NOL4: variants seen among roughly 807,000 people sequenced by gnomAD.
The protein encoded by NOL4 is nucleolar protein 4, also known as cancer/testis antigen 125.
NOL4 carries 17 observed loss-of-function variants against 75.9 expected under a neutral mutation model. That is an observed-to-expected ratio of 0.22 (90% CI 0.15 to 0.34). The LOEUF (loss-of-function observed/expected upper bound fraction) is 0.34. NOL4 is among the 10% of genes least tolerant of loss of function. NOL4 has a pLI of 1.00. For synonymous variants in NOL4, 292 were observed against 289.9 expected (o/e 1.01, Z -0.07); for missense variants, 614 against 793.5 (o/e 0.77, Z 2.72).
intron 1 of NOL4, among the ~76,000 whole-genome samples, chr18:34,144,045 C>T (rs1172391421): frequency 1.3e-5 from 2 of 152,024 alleles, no homozygotes; most frequent in Admixed American, 1.3e-4. Context: ...AAAAGAGAAT[C>T]ACAATAATCC....
chr18:34,046,110 C>T (rs999252844), intron 5 of NOL4, among the ~76,000 whole-genome samples: 2 of 152,042 alleles, frequency 1.3e-5, no homozygotes, highest in Admixed American at 6.6e-5. Flanking sequence ...CTCTGGTTTC[C>T]CATGCAAAAA....
At chr18:34,093,638 T>C (rs894417826) in intron 4 of NOL4, 41 bp from the exon 5 acceptor site, 1 of 1,442,652 alleles carries the variant, frequency 6.9e-7, no homozygotes, top group African/African-American at 1.4e-5. Context: ...TTTTAACGTA[T>C]AATACGTTTA....
At chr18:34,208,958 C>T (rs986942613) in intron 1 of NOL4, among the ~76,000 whole-genome samples, 2 of 151,758 alleles carry the variant, frequency 1.3e-5, no homozygotes, top group African/African-American at 4.8e-5. Flanking sequence ...ACCTGTAATC[C>T]TAGCACTTTG....
chr18:33,990,585 A>G (rs183708796), intron 6 of NOL4, among the ~76,000 whole-genome samples: 1 of 152,104 alleles, frequency 6.6e-6, no homozygotes, highest in Non-Finnish European at 1.5e-5. Context: ...ATACTCCTAG[A>G]CCTACACTGC....
At chr18:34,157,614 C>A (rs1344520872) in intron 1 of NOL4, among the ~76,000 whole-genome samples, 39 of 145,592 alleles carry the variant, frequency 2.7e-4, no homozygotes, top group African/African-American at 9.7e-4. Context: ...GGAAAATATG[C>A]AGAATGAAAA....
chr18:34,046,633 T>TATATATATATATAC (rs2076390944), intron 5 of NOL4, among the ~76,000 whole-genome samples: 1 of 139,884 alleles, frequency 7.1e-6, no homozygotes, highest in Non-Finnish European at 1.6e-5. Context: ...TATATATATA[T>TATATATATATATAC]ATATGTATAT....
intron 8 of NOL4, among the ~76,000 whole-genome samples, chr18:33,945,527 T>C (rs945224569): frequency 6.6e-6 from 1 of 151,802 alleles, no homozygotes; most frequent in Non-Finnish European, 1.5e-5. Context: ...ATTTATGTAA[T>C]TTCCTTTTCA....
intron 6 of NOL4, among the ~76,000 whole-genome samples, chr18:33,974,667 T>C (rs1568154037): frequency 6.6e-6 from 1 of 152,002 alleles, no homozygotes; most frequent in Non-Finnish European, 1.5e-5. Context: ...ATCGCCAAAA[T>C]GCAACACAGA....
intron 5 of NOL4, among the ~76,000 whole-genome samples, chr18:34,056,410 T>A (rs1568282990): frequency 6.6e-6 from 1 of 152,150 alleles, no homozygotes; most frequent in Non-Finnish European, 1.5e-5. Context: ...GCCTGCCCAT[T>A]TTTTTCTCAG....
intron 10 of NOL4, among the ~76,000 whole-genome samples, chr18:33,867,936 C>T (rs2063510262): frequency 1.3e-5 from 2 of 152,050 alleles, no homozygotes; most frequent in Non-Finnish European, 2.9e-5. Flanking sequence ...CAGGAGAATT[C>T]CCTCTTATTA....
At chr18:34,195,012 G>A (rs1250155783) in intron 1 of NOL4, among the ~76,000 whole-genome samples, 44 of 144,976 alleles carry the variant, frequency 3.0e-4, no homozygotes, top group African/African-American at 1.1e-3. Context: ...CAACAAACAA[G>A]AGCGAAACTC....
intron 1 of NOL4, among the ~76,000 whole-genome samples, chr18:34,186,278 CAACA>C (rs894165783): frequency 1.7e-4 from 26 of 152,134 alleles, no homozygotes; most frequent in Admixed American, 1.0e-3. Flanking sequence ...TAAGAAAGCA[CAACA>C]AACAAACAAA....
intron 5 of NOL4, among the ~76,000 whole-genome samples, chr18:34,041,462 C>A (rs891712353): frequency 6.6e-6 from 1 of 150,950 alleles, no homozygotes; most frequent in African/African-American, 2.4e-5. Context: ...GCACATGTCT[C>A]TTTCCTGATA....
intron 5 of NOL4, among the ~76,000 whole-genome samples, chr18:34,090,035 G>A (rs914618040): frequency 6.6e-5 from 10 of 152,132 alleles, no homozygotes; most frequent in African/African-American, 2.4e-4. Flanking sequence ...GAGCATAAAT[G>A]ACATAATTCT....
chr18:34,194,414 A>G lies in NOL4; in HGVS notation c.264+28576T>C, dbSNP rs371585726. ...AGAAAGATTAGGAAAAAGGTAGGGA[A>G]GGAGGGAGGGAGGGAAGGAAGGAAG... On this transcript the variant is annotated intron_variant, in intron 1 of 10. Transcript: ENST00000261592. 9.4e-3 allele frequency among the ~76,000 whole-genome samples: 1,131 copies of G among 120,642 alleles called. 1 individual carries two copies. Among genetic ancestry groups the G allele is most frequent in the Middle Eastern group, 0.034 (8 of 238 alleles). The allele number at this position is 120,642 out of a possible 152,430, so 79.1% of individuals were successfully genotyped here.
At chr18:33,880,301 G>T (rs1422208681) in intron 10 of NOL4, among the ~76,000 whole-genome samples, 1 of 126,968 alleles carries the variant, frequency 7.9e-6, no homozygotes, top group Non-Finnish European at 1.6e-5. Context: ...CATGCAAAAG[G>T]GGTCTGTGTG....
rs1215841284 is a variant in NOL4, at chr18:34,223,496, T to C, written c.-243A>G. The stretch of plus-strand genomic sequence containing the variant: ...GTAATTGCAACGGCTGTCTCGGACG[T>C]TTTTCCTGTTCCCTTAGCGGTCGGT... On this transcript the variant is annotated 5_prime_UTR_variant, in exon 1 of 11. Coordinates refer to ENST00000261592, the MANE Select transcript of NOL4 (RefSeq NM_003787.5). 1 of 582,126 alleles carries C rather than the reference T, an allele frequency of 1.7e-6. No individual in the cohort carries two copies. The highest frequency in any genetic ancestry group is 3.0e-6 in the Non-Finnish European group (1 of 330,440). 36.1% of individuals were successfully genotyped at this position (582,126 alleles called of 1,614,324 possible).
intron 10 of NOL4, among the ~76,000 whole-genome samples, chr18:33,873,533 C>T (rs1020986404): frequency 2.6e-5 from 4 of 151,926 alleles, no homozygotes; most frequent in African/African-American, 7.2e-5. Flanking sequence ...TCCCTTCTTC[C>T]AATGTTGTGC....
intron 5 of NOL4, among the ~76,000 whole-genome samples, chr18:34,029,779 A>C (rs1456749313): frequency 2.6e-5 from 4 of 152,222 alleles, no homozygotes; most frequent in Non-Finnish European, 5.9e-5. Context: ...TGTAGTGTGG[A>C]TTGAGCATTA....
Sources: gnomAD v4.1 joint callset for allele counts (sites outside exome capture counted in the v4.1 genomes callset) on GRCh38, gnomAD v4.1.1 for gene constraint, MANE v1.5 for transcripts, NCBI Gene and HGNC (gene_info 2026-07-23, HGNC 2026-07-21) for gene names.